Variants in PTPRM observed in about 807,000 individuals in gnomAD.
The protein encoded by PTPRM is protein tyrosine phosphatase receptor type M.
In PTPRM, 47 loss-of-function variants were observed where a neutral mutation model predicts 186.7. The ratio of observed to expected loss-of-function variants is 0.25; its 90% CI spans 0.20 to 0.32. The LOEUF is 0.32. Among genes scored for constraint, PTPRM ranks in the 10% least tolerant of loss-of-function variants. The pLI is 1.00. For synonymous variants in PTPRM, 668 were observed against 674.9 expected, an observed-to-expected ratio of 0.99 and a Z score of 0.16; for missense variants, 1,494 against 1,865.0, an observed-to-expected ratio of 0.80 and a Z score of 3.66.
At chr18:8,137,344 C>A (rs1322646945) in intron 13 of PTPRM, among the ~76,000 whole-genome samples, 4 of 152,110 alleles carry the variant, frequency 2.6e-5, no homozygotes, top group African/African-American at 9.7e-5. Context: ...ACACACAGCC[C>A]CAGCTGGCCA....
intron 1 of PTPRM, among the ~76,000 whole-genome samples, chr18:7,750,394 A>G (rs2041154778): frequency 6.6e-6 from 1 of 152,140 alleles, no homozygotes; most frequent in East Asian, 1.9e-4. Context: ...CCTTTACCCT[A>G]ACTTTGGAAA....
intron 14 of PTPRM, among the ~76,000 whole-genome samples, chr18:8,167,070 AG>A (rs1454004034): frequency 6.6e-6 from 1 of 152,216 alleles, no homozygotes; most frequent in African/African-American, 2.4e-5. Context: ...TGCTCACTTA[AG>A]GTCAGGAAGC....
intron 1 of PTPRM, among the ~76,000 whole-genome samples, chr18:7,753,929 C>G (rs945083586): frequency 6.6e-6 from 1 of 152,064 alleles, no homozygotes; most frequent in East Asian, 1.9e-4. Flanking sequence ...CCTTTTCCCC[C>G]CTTCTCCACT....
At chr18:7,802,063 G>A (rs940178636) in intron 2 of PTPRM, among the ~76,000 whole-genome samples, 1 of 152,180 alleles carries the variant, frequency 6.6e-6, no homozygotes, top group African/African-American at 2.4e-5. Context: ...CTTAGGGATA[G>A]CAGCCTTTGG....
intron 5 of PTPRM, among the ~76,000 whole-genome samples, chr18:7,927,588 C>T (rs2051250695): frequency 6.6e-6 from 1 of 152,112 alleles, no homozygotes; most frequent in South Asian, 2.1e-4. Context: ...GGCTTCCGCT[C>T]CATCATGTGT....
chr18:7,651,586 G>A (rs2038705415), intron 1 of PTPRM, among the ~76,000 whole-genome samples: 1 of 151,938 alleles, frequency 6.6e-6, no homozygotes, highest in African/African-American at 2.4e-5. Context: ...AGAGCCCTCA[G>A]AAATAATGCC....
At chr18:7,787,494 G>A (rs2043147043) in intron 2 of PTPRM, among the ~76,000 whole-genome samples, 3 of 152,202 alleles carry the variant, frequency 2.0e-5, no homozygotes, top group African/African-American at 4.8e-5. Flanking sequence ...CTATTTTCAG[G>A]CAGAAGCTGC....
intron 1 of PTPRM, among the ~76,000 whole-genome samples, chr18:7,721,629 A>G (rs2040448596): frequency 6.6e-6 from 1 of 152,128 alleles, no homozygotes; most frequent in South Asian, 2.1e-4. Flanking sequence ...TGATTATGAT[A>G]TAAGGCAAGA....
Position 8,376,502 on chromosome 18 carries a change from A to T in PTPRM, c.3367A>T (p.Ile1123Phe), listed in dbSNP as rs1483691838. ...GRTGCFIVIDIMLDMAEREGV... is the reference protein window; with the variant it reads ...GRTGCFIVIDFMLDMAEREGV... The stretch of plus-strand genomic sequence containing the variant: ...GACTGGCTGTTTCATCGTCATTGAT[A>T]TCATGTTGGACATGGCCGAAAGGGA... The change falls in exon 26 of 33, where the codon ATC becomes TTC. Residue 1123 changes from isoleucine (I) to phenylalanine (F), a missense_variant. Transcript: ENST00000580170. The T allele has an allele frequency of 3.7e-6, 6 of 1,614,082 alleles. No individual in the cohort carries two copies. The highest frequency in any genetic ancestry group is 1.3e-5 in the African/African-American group (1 of 75,002).
intron 14 of PTPRM, among the ~76,000 whole-genome samples, chr18:8,230,094 T>G (rs1935818648): frequency 6.6e-6 from 1 of 152,278 alleles, no homozygotes; most frequent in South Asian, 2.1e-4. Flanking sequence ...TGGTTTCTTT[T>G]TAGCCTATCA....
chr18:7,663,290 C>G (rs2039020544), intron 1 of PTPRM, among the ~76,000 whole-genome samples: 1 of 152,176 alleles, frequency 6.6e-6, no homozygotes, highest in African/African-American at 2.4e-5. Context: ...CTTAACTCTA[C>G]TGGTGACCAC....
intron 3 of PTPRM, among the ~76,000 whole-genome samples, chr18:7,891,128 A>C (rs1418075922): frequency 6.9e-6 from 1 of 145,790 alleles, no homozygotes; most frequent in Non-Finnish European, 1.5e-5. Flanking sequence ...AAAAAAAAAA[A>C]CAACAAAATT....
Position 8,396,047 on chromosome 18 carries a change from T to G in PTPRM, c.4344+1436T>G, listed in dbSNP as rs182408032. On this transcript the variant is annotated intron_variant, in intron 32 of 32. Coordinates refer to ENST00000580170, the MANE Select transcript of PTPRM (RefSeq NM_001105244.2). The stretch of plus-strand genomic sequence containing the variant: ...CCTGGCAGAAGGGCTCTAAGTGCCC[T>G]GGATGTAGTAACGGATTTCCTGTGG... Among the ~76,000 whole-genome samples, 6 of 152,354 alleles carry G rather than the reference T, an allele frequency of 3.9e-5. No homozygotes were observed. In the East Asian group the frequency reaches 1.2e-3, roughly 29 times the overall value.
chr18:8,167,444 A>G (rs2093339734), intron 14 of PTPRM, among the ~76,000 whole-genome samples: 1 of 152,230 alleles, frequency 6.6e-6, no homozygotes, highest in Admixed American at 6.5e-5. Flanking sequence ...CACAGTTAAC[A>G]TCATTTCCAA....
intron 4 of PTPRM, among the ~76,000 whole-genome samples, chr18:7,924,532 A>G (rs2051058558): frequency 6.6e-6 from 1 of 152,204 alleles, no homozygotes; most frequent in Non-Finnish European, 1.5e-5. Flanking sequence ...ATATGGTAAC[A>G]TTTCATTAGT....
intron 7 of PTPRM, among the ~76,000 whole-genome samples, chr18:8,049,878 T>C (rs1003809191): frequency 2.0e-5 from 3 of 151,818 alleles, no homozygotes; most frequent in African/African-American, 7.3e-5. Flanking sequence ...CACCCAGCTA[T>C]TTTTTTGTAT....
intron 2 of PTPRM, among the ~76,000 whole-genome samples, chr18:7,852,722 G>A (rs2046925109): frequency 6.6e-6 from 1 of 151,718 alleles, no homozygotes; most frequent in Admixed American, 6.6e-5. Flanking sequence ...TGTGGATGGT[G>A]GCATGCACTT....
chr18:7,909,032 T>G (rs2050134264), intron 4 of PTPRM, among the ~76,000 whole-genome samples: 1 of 152,194 alleles, frequency 6.6e-6, no homozygotes, highest in Non-Finnish European at 1.5e-5. Flanking sequence ...GCAAGGCAGA[T>G]GTACTGGGTG....
At chr18:7,923,842 T>C (rs1278331788) in intron 4 of PTPRM, among the ~76,000 whole-genome samples, 2 of 152,230 alleles carry the variant, frequency 1.3e-5, no homozygotes, top group Admixed American at 1.3e-4. Context: ...CTCAAATGTT[T>C]TCACTTTAAA....
Sources: allele counts gnomAD v4.1 joint callset (sites outside exome capture counted in the v4.1 genomes callset), GRCh38; gene constraint gnomAD v4.1.1; transcripts MANE v1.5; gene names NCBI Gene and HGNC (gene_info 2026-07-23, HGNC 2026-07-21).